The following PLGRKT variants were observed in gnomAD, a reference collection of about 807,000 sequenced individuals.
PLGRKT encodes plasminogen receptor (KT).
Under a neutral mutation model 18.5 loss-of-function variants are expected in PLGRKT, and 22 were observed. The ratio of observed to expected loss-of-function variants is 1.19; its 90% CI spans 0.85 to 1.70. The LOEUF is 1.70. Among genes scored for constraint, PLGRKT ranks in the 40% most tolerant of loss-of-function variants. The probability of loss-of-function intolerance (pLI) is 0.00; values close to 1 mark genes in which losing one functional copy is unlikely to be tolerated. For missense variants in PLGRKT, 235 were observed against 174.4 expected, an observed-to-expected ratio of 1.35 and a Z score of -1.96; for synonymous variants, 72 against 52.8, an observed-to-expected ratio of 1.36 and a Z score of -1.58.
chr9:5,400,748 T>G (rs1030395627), intron 3 of PLGRKT, among the ~76,000 whole-genome samples: 4 of 152,040 alleles, frequency 2.6e-5, no homozygotes, highest in Admixed American at 6.5e-5. Context: ...TAATAAGCAT[T>G]GAATAAGTAA....
intron 3 of PLGRKT, among the ~76,000 whole-genome samples, chr9:5,364,843 G>A (rs1188733242): frequency 6.6e-6 from 1 of 152,140 alleles, no homozygotes; most frequent in African/African-American, 2.4e-5. Context: ...TTACAAACAA[G>A]CAAGAGGAAA....
At chr9:5,432,488 TC>T (rs985332810) in intron 2 of PLGRKT, among the ~76,000 whole-genome samples, 6 of 152,056 alleles carry the variant, frequency 3.9e-5, no homozygotes, top group Non-Finnish European at 5.9e-5. Context: ...GATTGAGCTC[TC>T]CCTCTCCCTC....
At chr9:5,420,978 A>C (rs1344872862) in intron 3 of PLGRKT, among the ~76,000 whole-genome samples, 2 of 152,252 alleles carry the variant, frequency 1.3e-5, no homozygotes, top group Admixed American at 6.5e-5. Context: ...TATGTATTTC[A>C]GAAAGCATTT....
At chr9:5,385,786 G>A (rs1300081711) in intron 3 of PLGRKT, among the ~76,000 whole-genome samples, 2 of 151,804 alleles carry the variant, frequency 1.3e-5, no homozygotes, top group African/African-American at 2.4e-5. Context: ...TATGCCTTTC[G>A]AGCAAAGACA....
chr9:5,390,523 C>A (rs1357063665), intron 3 of PLGRKT, among the ~76,000 whole-genome samples: 1 of 151,848 alleles, frequency 6.6e-6, no homozygotes, highest in Non-Finnish European at 1.5e-5. Context: ...ACATCATTCT[C>A]ACCTTTCCTC....
intron 3 of PLGRKT, among the ~76,000 whole-genome samples, chr9:5,369,348 A>T (rs1237455587): frequency 1.3e-5 from 2 of 152,262 alleles, no homozygotes; most frequent in Non-Finnish European, 1.5e-5. Flanking sequence ...AATGCTCATC[A>T]TCACTGGTCA....
chr9:5,425,248 G>C (rs1444457830), intron 3 of PLGRKT, among the ~76,000 whole-genome samples: 3 of 152,174 alleles, frequency 2.0e-5, no homozygotes, highest in African/African-American at 7.2e-5. Flanking sequence ...TTTTAAGGAA[G>C]TATTCATTTT....
intron 3 of PLGRKT, chr9:5,392,207 A>G (rs1287258150): frequency 6.6e-6 from 1 of 151,886 alleles, no homozygotes; most frequent in African/African-American, 2.4e-5. Flanking sequence ...CCGGAGAGGT[A>G]CTTTTAGGAC....
At chr9:5,432,371 ACAATTAGGCAACAGAACCTTTG>A (rs1818844263) in intron 2 of PLGRKT, among the ~76,000 whole-genome samples, 1 of 152,228 alleles carries the variant, frequency 6.6e-6, no homozygotes, top group Non-Finnish European at 1.5e-5. Context: ...TTACCTCTGT[ACAATTAGGCAACAGAACCTTTG>A]CATCTGAGGA....
chr9:5,405,006 C>A (rs1006324508), intron 3 of PLGRKT, among the ~76,000 whole-genome samples: 1 of 152,080 alleles, frequency 6.6e-6, no homozygotes, highest in Non-Finnish European at 1.5e-5. Context: ...AGAGCCAAAT[C>A]ATGAATGAAC....
chr9:5,378,817 G>A (rs907819959), intron 3 of PLGRKT, among the ~76,000 whole-genome samples: 2 of 151,960 alleles, frequency 1.3e-5, no homozygotes, highest in Admixed American at 6.6e-5. Context: ...GAAATATACA[G>A]GTTAAATTGG....
At position 5,411,621 on chromosome 9, in the gene PLGRKT, G is replaced by A. The variant is rs974277305; in HGVS notation, c.81+20276C>T. Among the ~76,000 whole-genome samples the A allele has an allele frequency of 2.0e-5, 3 of 152,078 alleles. No homozygotes were observed. The South Asian group carries it at 6.2e-4, about 32-fold the overall frequency. On this transcript the variant is annotated intron_variant, in intron 3 of 5. Coordinates refer to ENST00000223864, the MANE Select transcript of PLGRKT (RefSeq NM_018465.4). ...CCTGCAAGTGCACACAAAGAAGAAT[G>A]AATCCACAGCCCTCAGTAGCCATAC...
At chr9:5,371,731 G>A (rs1046348482) in intron 3 of PLGRKT, among the ~76,000 whole-genome samples, 1 of 152,112 alleles carries the variant, frequency 6.6e-6, no homozygotes, top group Non-Finnish European at 1.5e-5. Context: ...ACTGTCAACT[G>A]AAGTTGAAGA....
chr9:5,411,558 G>C (rs1400274125), intron 3 of PLGRKT, among the ~76,000 whole-genome samples: 3 of 152,086 alleles, frequency 2.0e-5, no homozygotes, highest in South Asian at 2.1e-4. Flanking sequence ...ATAGAGTCAG[G>C]TTCGGACACA....
chr9:5,418,754 G>A lies in PLGRKT; in HGVS notation c.81+13143C>T. ...GCGTGTGGAATGGTGATGACAGCCAGGACCTCGGGGTCGTCGAGGAGCTGC... is the reference window on the plus strand; with the variant it reads ...GCGTGTGGAATGGTGATGACAGCCAAGACCTCGGGGTCGTCGAGGAGCTGC... On this transcript the variant is annotated intron_variant, in intron 3 of 5. Transcript: ENST00000223864. The surrounding 1 kb of genome is among the most constrained non-coding windows in gnomAD (Gnocchi z 4.2). The A allele has an allele frequency of 1.4e-6, 1 of 701,128 alleles. No homozygotes were observed. The highest frequency in any genetic ancestry group is 2.6e-6 in the Non-Finnish European group (1 of 389,102). 43.4% of individuals were successfully genotyped at this position (701,128 alleles called of 1,614,324 possible). A position where few individuals can be genotyped will look rare whatever the true frequency, so the allele number is the denominator to read the frequency against.
intron 3 of PLGRKT, among the ~76,000 whole-genome samples, chr9:5,429,589 T>G (rs990465887): frequency 6.6e-6 from 1 of 152,224 alleles, no homozygotes; most frequent in African/African-American, 2.4e-5. Flanking sequence ...CCGGTATGCA[T>G]AGTCCAGTAT....
chr9:5,437,211 C>T (rs976486742), intron 1 of PLGRKT, among the ~76,000 whole-genome samples: 2 of 152,122 alleles, frequency 1.3e-5, no homozygotes, highest in African/African-American at 4.8e-5. Context: ...ACCTTTCTTC[C>T]GGTCACCCGT....
At chr9:5,382,090 G>C in intron 3 of PLGRKT, 1 of 754,678 alleles carries the variant, frequency 1.3e-6, no homozygotes, top group Non-Finnish European at 1.6e-6. Context: ...GAGAAATTCA[G>C]AATTATTCCT....
chr9:5,380,971 A>G (rs1289020471), intron 3 of PLGRKT, among the ~76,000 whole-genome samples: 1 of 152,162 alleles, frequency 6.6e-6, no homozygotes, highest in African/African-American at 2.4e-5. Context: ...TGATGGTTTA[A>G]AAGTGTGGCA....
Sources: gnomAD v4.1 joint callset for allele counts (sites outside exome capture counted in the v4.1 genomes callset) on GRCh38, gnomAD v4.1.1 for gene constraint, Gnocchi (gnomAD v3.1) non-coding constraint, MANE v1.5 for transcripts, NCBI Gene and HGNC (gene_info 2026-07-23, HGNC 2026-07-21) for gene names.